Variants in LDLRAD4 observed in about 807,000 individuals in gnomAD.
LDLRAD4 encodes low-density lipoprotein receptor class A domain-containing protein 4.
Under a neutral mutation model 17.0 loss-of-function variants are expected in LDLRAD4, and 5 were observed. The ratio of observed to expected loss-of-function variants is 0.29; its 90% confidence interval spans 0.15 to 0.62. The LOEUF (loss-of-function observed/expected upper bound fraction) is 0.62. Ranked by LOEUF, LDLRAD4 falls within the 20% of genes least tolerant of loss-of-function variation. LDLRAD4 has a pLI of 0.84. For synonymous variants in LDLRAD4, 168 were observed against 171.8 expected, an observed-to-expected ratio of 0.98 and a Z score of 0.17; for missense variants, 340 against 424.7, an observed-to-expected ratio of 0.80 and a Z score of 1.75.
chr18:13,386,943 GATA>G (rs1568082948), intron 1 of LDLRAD4, among the ~76,000 whole-genome samples: 1,634 of 119,156 alleles, frequency 0.014, 33 homozygotes, highest in African/African-American at 0.064. Context: ...TAGATAGATA[GATA>G]GATGGATGGA....
chr18:13,476,274 C>T (rs2092937337), intron 3 of LDLRAD4, among the ~76,000 whole-genome samples: 1 of 152,060 alleles, frequency 6.6e-6, no homozygotes, highest in Non-Finnish European at 1.5e-5. Context: ...ATGAAGTCCT[C>T]AGTGTTTAAA....
intron 1 of LDLRAD4, among the ~76,000 whole-genome samples, chr18:13,352,198 C>T (rs2083079569): frequency 6.6e-6 from 1 of 152,136 alleles, no homozygotes; most frequent in Non-Finnish European, 1.5e-5. Context: ...CTTTGAAAAC[C>T]AGCACAAGAC....
chr18:13,611,646 C>T (rs1357816939), intron 3 of LDLRAD4: 1 of 985,206 alleles, frequency 1.0e-6, no homozygotes, highest in African/African-American at 1.7e-5. Context: ...ATTTCTGATC[C>T]TTATAAACTA....
intron 3 of LDLRAD4, chr18:13,613,235 A>G (rs1209250416): frequency 6.5e-6 from 1 of 153,986 alleles, no homozygotes; most frequent in African/African-American, 2.4e-5. Flanking sequence ...GACAGGAGCT[A>G]TTAGGAAGGA....
chr18:13,394,594 C>G (rs1568093628), intron 2 of LDLRAD4, among the ~76,000 whole-genome samples: 1 of 152,162 alleles, frequency 6.6e-6, no homozygotes, highest in South Asian at 2.1e-4. Flanking sequence ...CATTTTCCAG[C>G]TCTTTTTATT....
intron 2 of LDLRAD4, among the ~76,000 whole-genome samples, chr18:13,434,920 A>G (rs2090557604): frequency 6.6e-6 from 1 of 152,262 alleles, no homozygotes; most frequent in Admixed American, 6.5e-5. Context: ...GAGCCAGGCC[A>G]GAGGGTGCCA....
intron 4 of LDLRAD4, chr18:13,642,010 G>C (rs2148978929): frequency 3.0e-6 from 3 of 985,256 alleles, no homozygotes; most frequent in Non-Finnish European, 3.6e-6. Context: ...CCCCCTTCCC[G>C]CTTCCGCCCC....
chr18:13,284,840 A>G (rs2045520707), intron 1 of LDLRAD4, among the ~76,000 whole-genome samples: 2 of 152,200 alleles, frequency 1.3e-5, no homozygotes, highest in African/African-American at 2.4e-5. Flanking sequence ...GGTTCCTGAG[A>G]TGACTCGCCC....
intron 3 of LDLRAD4, among the ~76,000 whole-genome samples, chr18:13,550,325 T>C (rs2094418944): frequency 6.6e-6 from 1 of 152,198 alleles, no homozygotes; most frequent in Non-Finnish European, 1.5e-5. Flanking sequence ...CACAGAATTG[T>C]TTCATTTCTG....
chr18:13,422,264 G>T (rs149956259), intron 2 of LDLRAD4, among the ~76,000 whole-genome samples: 4 of 152,174 alleles, frequency 2.6e-5, no homozygotes, highest in African/African-American at 7.2e-5. Context: ...ACAGAGAGAA[G>T]ACTAGAAGAC....
intron 1 of LDLRAD4, among the ~76,000 whole-genome samples, chr18:13,232,109 C>G (rs902432754): frequency 2.0e-5 from 3 of 152,248 alleles, no homozygotes; most frequent in African/African-American, 7.2e-5. Flanking sequence ...GTGAAGCTCT[C>G]TCCTGGTGGG....
chr18:13,392,311 G>A (rs2086337018), intron 2 of LDLRAD4, among the ~76,000 whole-genome samples: 1 of 152,262 alleles, frequency 6.6e-6, no homozygotes, highest in Admixed American at 6.5e-5. Context: ...AGTGCCATGT[G>A]TTGTGTGGAG....
chr18:13,446,376 C>G (rs1568165874), intron 3 of LDLRAD4, among the ~76,000 whole-genome samples: 1 of 152,132 alleles, frequency 6.6e-6, no homozygotes, highest in Non-Finnish European at 1.5e-5. Context: ...GCTTGAAGGG[C>G]TTGGGTGGTG....
At chr18:13,625,846 A>G (rs1483876336) in intron 4 of LDLRAD4, among the ~76,000 whole-genome samples, 1 of 121,842 alleles carries the variant, frequency 8.2e-6, no homozygotes, top group Non-Finnish European at 1.7e-5. Context: ...CCCCCACCAG[A>G]GCCCTCCTCC....
intron 3 of LDLRAD4, among the ~76,000 whole-genome samples, chr18:13,548,427 G>A (rs2094395139): frequency 6.6e-6 from 1 of 152,216 alleles, no homozygotes. Context: ...GCACCCCCTT[G>A]GCCTCCTTCC....
intron 1 of LDLRAD4, among the ~76,000 whole-genome samples, chr18:13,351,570 T>C (rs563981469): frequency 1.3e-5 from 2 of 151,908 alleles, no homozygotes; most frequent in East Asian, 3.9e-4. Context: ...CATGTTGTCT[T>C]CGGTTGAATC....
chr18:13,282,217 C>CT (rs891198778), intron 1 of LDLRAD4, among the ~76,000 whole-genome samples: 1 of 152,158 alleles, frequency 6.6e-6, no homozygotes, highest in Non-Finnish European at 1.5e-5. Context: ...CAGCCAAACT[C>CT]TATCATCCTG....
rs184648339 is a variant in LDLRAD4, at chr18:13,640,335, G to T, written c.337-3024G>T. On this transcript the variant is annotated intron_variant, in intron 4 of 5. Transcript: ENST00000359446. Reference sequence around the variant, plus strand: ...ATGAAATCCGTTCAAGTATTAGGATGATGGGACTGTAGATGCATTTCCTCC... The same window carrying T: ...ATGAAATCCGTTCAAGTATTAGGATTATGGGACTGTAGATGCATTTCCTCC... 3.0e-3 allele frequency among the ~76,000 whole-genome samples: 447 copies of T among 150,260 alleles called. 4 individuals carry two copies. The highest frequency in any genetic ancestry group is 9.3e-3 in the African/African-American group (381 of 40,874).
At chr18:13,272,743 T>C (rs933554548) in intron 1 of LDLRAD4, among the ~76,000 whole-genome samples, 15 of 152,222 alleles carry the variant, frequency 9.9e-5, no homozygotes, top group Admixed American at 8.5e-4. Context: ...TCACTCTGCA[T>C]GGCAGCCTTG....
Sources: allele counts gnomAD v4.1 joint callset (sites outside exome capture counted in the v4.1 genomes callset), GRCh38; gene constraint gnomAD v4.1.1; transcripts MANE v1.5; gene names NCBI Gene and HGNC (gene_info 2026-07-23, HGNC 2026-07-21).